Variants in CACNA1E observed in about 807,000 individuals in gnomAD.
CACNA1E encodes voltage-dependent R-type calcium channel subunit alpha-1E.
A neutral mutation model predicts 259.2 loss-of-function variants in CACNA1E; 40 were observed. The observed-to-expected ratio is 0.15, with a 90% CI of 0.12 to 0.20. The LOEUF is 0.20. Ranked by LOEUF, CACNA1E falls within the 10% of genes least tolerant of loss-of-function variation. The pLI, the probability that CACNA1E is intolerant of heterozygous loss-of-function variation, is 1.00. For synonymous variants in CACNA1E, 1,104 were observed against 1,138.5 expected, an observed-to-expected ratio of 0.97 and a Z score of 0.61; for missense variants, 1,874 against 3,040.1, an observed-to-expected ratio of 0.62 and a Z score of 9.02.
At chr1:181,470,298 C>T (rs968801050) in intron 2 of CACNA1E, among the ~76,000 whole-genome samples, 1 of 152,116 alleles carries the variant, frequency 6.6e-6, no homozygotes, top group Non-Finnish European at 1.5e-5. Flanking sequence ...AAGCATTCCT[C>T]CCATCTCAGC....
intron 1 of CACNA1E, among the ~76,000 whole-genome samples, 155 bp from the exon 2 acceptor site, chr1:181,510,322 A>G (rs574523888): frequency 6.6e-6 from 1 of 152,328 alleles, no homozygotes; most frequent in South Asian, 2.1e-4. Context: ...GCTAAGGACC[A>G]TCCACTGTCT....
At chr1:181,329,378 A>G (rs1424685123) in intron 1 of CACNA1E, among the ~76,000 whole-genome samples, 1 of 152,028 alleles carries the variant, frequency 6.6e-6, no homozygotes, top group South Asian at 2.1e-4. Flanking sequence ...CATAAACATG[A>G]TTATACCACT....
Position 181,483,526 on chromosome 1 carries a change from G to A in CACNA1E, c.-219G>A, listed in dbSNP as rs531587346. Reference sequence around the variant, plus strand: ...CTTTTTTTTTTTTTTCCTTCTTGAGGAATGGAGCTTCGCAGAGGTTGCATT... The same window carrying A: ...CTTTTTTTTTTTTTTCCTTCTTGAGAAATGGAGCTTCGCAGAGGTTGCATT... On this transcript the variant is annotated 5_prime_UTR_variant, in exon 1 of 48. Transcript: ENST00000367573. The A allele has an allele frequency of 1.1e-5, 4 of 375,334 alleles. No individual in the cohort carries two copies. The highest frequency in any genetic ancestry group is 7.8e-5 in the East Asian group (2 of 25,594). The allele number at this position is 375,334 out of a possible 1,614,324, so 23.3% of individuals were successfully genotyped here.
chr1:181,755,913 G>T, intron 28 of CACNA1E, 43 bp from the exon 29 acceptor site: 1 of 1,596,476 alleles, frequency 6.3e-7, no homozygotes, highest in Non-Finnish European at 8.5e-7. Flanking sequence ...TGTAGAATGA[G>T]CTATAGTGAG....
intron 6 of CACNA1E, among the ~76,000 whole-genome samples, chr1:181,600,270 G>A (rs1444111191): frequency 6.6e-6 from 1 of 152,240 alleles, no homozygotes; most frequent in East Asian, 1.9e-4. Flanking sequence ...AGAGGTCAGA[G>A]AGAGGGTCAG....
intron 3 of CACNA1E, among the ~76,000 whole-genome samples, chr1:181,562,111 A>G (rs994392144): frequency 6.6e-6 from 1 of 151,928 alleles, no homozygotes; most frequent in South Asian, 2.1e-4. Flanking sequence ...ATTTAGTTGT[A>G]GATGATTTTT....
chr1:181,323,564 C>G (rs1033667453), intron 1 of CACNA1E, among the ~76,000 whole-genome samples: 9 of 152,194 alleles, frequency 5.9e-5, no homozygotes, highest in African/African-American at 2.2e-4. Context: ...CCCTCTCTTA[C>G]CCTTTACTAG....
chr1:181,731,184 A>G lies in CACNA1E; in HGVS notation c.2250A>G (p.Arg750=). The change falls in exon 19 of 48, where the codon AGA becomes AGG. Residue 750 remains arginine (R), a synonymous_variant. Transcript: ENST00000367573. ...APNMPSIERD[R]RRRHHMSMWE... is the part of the protein sequence containing the mutation. ...CATTTTTCTTCCCCAGAAGAGACAGAAGGAGAAGACACCACATGTCGATGT... is the reference window on the plus strand; with the variant it reads ...CATTTTTCTTCCCCAGAAGAGACAGGAGGAGAAGACACCACATGTCGATGT... 2 of 1,613,644 alleles carry G rather than the reference A, an allele frequency of 1.2e-6. No individual in the cohort carries two copies. Among genetic ancestry groups the G allele is most frequent in the East Asian group, 2.2e-5 (1 of 44,872 alleles).
chr1:181,325,310 C>T (rs1650682187), intron 1 of CACNA1E, among the ~76,000 whole-genome samples: 1 of 152,196 alleles, frequency 6.6e-6, no homozygotes, highest in African/African-American at 2.4e-5. Context: ...TGCTTCCTGC[C>T]CTTAGACCCT....
At chr1:181,600,691 A>G (rs1280949376) in intron 6 of CACNA1E, among the ~76,000 whole-genome samples, 5 of 152,166 alleles carry the variant, frequency 3.3e-5, no homozygotes, top group African/African-American at 1.2e-4. Context: ...AGCAAGGTCA[A>G]GAGTTGAGCT....
chr1:181,360,491 C>T lies in CACNA1E; in HGVS notation c.-15+42368C>T, dbSNP rs527626797. On this transcript the variant is annotated intron_variant, in intron 1 of 11. Transcript: ENST00000524607. ...ATTATATTAGGTGAAAGGAACCAGA[C>T]ATAATGGCCATATACTGCATGATCC... 3.9e-5 allele frequency among the ~76,000 whole-genome samples: 6 copies of T among 152,242 alleles called. 1 individual carries two copies. In the South Asian group the frequency reaches 1.0e-3, roughly 26 times the overall value.
chr1:181,473,961 G>A (rs540936447), intron 2 of CACNA1E, among the ~76,000 whole-genome samples: 9 of 152,220 alleles, frequency 5.9e-5, no homozygotes, highest in Non-Finnish European at 8.8e-5. Flanking sequence ...AATAAGGAAA[G>A]TGAATCTGGT....
chr1:181,573,127 G>A (rs539961307), intron 3 of CACNA1E, among the ~76,000 whole-genome samples: 7 of 152,148 alleles, frequency 4.6e-5, no homozygotes, highest in African/African-American at 1.7e-4. Flanking sequence ...CTGAGCTTTG[G>A]CTTGCTCTTT....
At chr1:181,693,820 C>T (rs949661338) in intron 7 of CACNA1E, among the ~76,000 whole-genome samples, 15 of 152,100 alleles carry the variant, frequency 9.9e-5, no homozygotes, top group African/African-American at 3.1e-4. Flanking sequence ...ATTACCAAAA[C>T]TAAGAGAAGA....
Position 181,475,153 on chromosome 1 carries a change from T to C in CACNA1E, c.435-8591T>C, listed in dbSNP as rs1488999867. 2.0e-5 allele frequency among the ~76,000 whole-genome samples: 3 copies of C among 152,166 alleles called. No homozygotes were observed. In the East Asian group the frequency reaches 5.8e-4, roughly 29 times the overall value. ...TTTCACCAATAACAGTTGCAGGAGA[T>C]CCATGCATTCAGTGACAATTTATTT... On this transcript the variant is annotated intron_variant, in intron 2 of 11. Transcript: ENST00000524607.
chr1:181,616,559 C>T (rs767593074), intron 6 of CACNA1E, among the ~76,000 whole-genome samples: 5 of 152,048 alleles, frequency 3.3e-5, no homozygotes, highest in Non-Finnish European at 5.9e-5. Flanking sequence ...AAAAAAATTA[C>T]GAAAATTAGC....
chr1:181,785,236 G>A, intron 41 of CACNA1E, 82 bp from the exon 42 acceptor site: 3 of 804,558 alleles, frequency 3.7e-6, no homozygotes, highest in Non-Finnish European at 6.4e-6. Flanking sequence ...GTTCCAGAGA[G>A]TGGGTAACAA....
At chr1:181,350,554 C>T (rs1571633424) in intron 1 of CACNA1E, among the ~76,000 whole-genome samples, 1 of 152,178 alleles carries the variant, frequency 6.6e-6, no homozygotes, top group East Asian at 1.9e-4. Context: ...CTCAGCTTGC[C>T]CAGGACTGAG....
At chr1:181,363,895 T>C (rs145135928) in intron 1 of CACNA1E, among the ~76,000 whole-genome samples, 4 of 152,288 alleles carry the variant, frequency 2.6e-5, no homozygotes, top group Non-Finnish European at 5.9e-5. Context: ...GGCCAGAGTA[T>C]GGGATGTCTT....
Sources: allele counts gnomAD v4.1 joint callset (sites outside exome capture counted in the v4.1 genomes callset), GRCh38; gene constraint gnomAD v4.1.1; transcripts MANE v1.5; gene names NCBI Gene and HGNC (gene_info 2026-07-23, HGNC 2026-07-21).